Variants in BCKDHA observed in about 807,000 individuals in gnomAD.
BCKDHA encodes 2-oxoisovalerate dehydrogenase subunit alpha, mitochondrial.
In BCKDHA, 43 loss-of-function variants were observed where a neutral mutation model predicts 52.2. That is an observed-to-expected ratio of 0.82 (90% CI 0.64 to 1.06). The LOEUF (loss-of-function observed/expected upper bound fraction) is 1.06. Ranked by LOEUF, BCKDHA falls within the 50% of genes least tolerant of loss-of-function variation. The pLI, the probability that BCKDHA is intolerant of heterozygous loss-of-function variation, is 0.00. For missense variants in BCKDHA, 527 were observed against 621.3 expected (o/e 0.85, Z 1.61); for synonymous variants, 234 against 247.9 (o/e 0.94, Z 0.53).
At chr19:41,413,728 G>T (rs527430351) in intron 3 of BCKDHA, among the ~76,000 whole-genome samples, 8 of 152,040 alleles carry the variant, frequency 5.3e-5, no homozygotes, top group African/African-American at 1.7e-4. Context: ...CAGCCCTTCT[G>T]GCCTCATGGT....
At position 41,424,511 on chromosome 19, in the gene BCKDHA, A is replaced by C. The variant is rs781239889; in HGVS notation, c.1241A>C (p.Gln414Pro). Residue 414 changes from glutamine to proline, a missense_variant, in exon 9 of 9, where the codon CAG becomes CCG. Physicochemically the swap from Gln to Pro is moderately conservative, Grantham distance 76. Coordinates refer to ENST00000269980, the MANE Select transcript of BCKDHA (RefSeq NM_000709.4). ...AACCTACTCTTCTCAGACGTGTATC[A>C]GGAGATGCCCGCCCAGCTCCGCAAG... Reference protein sequence around the residue: ...NPNLLFSDVYQEMPAQLRKQQ... With the variant: ...NPNLLFSDVYPEMPAQLRKQQ... 2 of 1,614,136 alleles carry C rather than the reference A, an allele frequency of 1.2e-6. No individual in the cohort carries two copies. Among genetic ancestry groups the C allele is most frequent in the Non-Finnish European group, 1.7e-6 (2 of 1,180,026 alleles).
At chr19:41,418,998 A>T in intron 4 of BCKDHA, 137 bp from the exon 5 acceptor site, 1 of 1,014,508 alleles carries the variant, frequency 9.9e-7, no homozygotes, top group Non-Finnish European at 1.5e-6. Context: ...AGAGTCAGTC[A>T]GTCTGAACAT....
intron 4 of BCKDHA, 29 bp downstream of exon 4, chr19:41,414,186 G>A (rs2039285917): frequency 1.9e-6 from 3 of 1,597,016 alleles, no homozygotes; most frequent in Non-Finnish European, 2.6e-6. Context: ...TGGCCCTGTG[G>A]TCCCCATTGA....
intron 4 of BCKDHA, among the ~76,000 whole-genome samples, chr19:41,415,845 C>T (rs1273854410): frequency 6.9e-6 from 1 of 145,700 alleles, no homozygotes; most frequent in Admixed American, 6.9e-5. Flanking sequence ...AGGCGGGTTT[C>T]ACCATGTTAG....
chr19:41,407,947 G>A (rs1417647574), intron 1 of BCKDHA, among the ~76,000 whole-genome samples: 1 of 122,234 alleles, frequency 8.2e-6, no homozygotes, highest in Non-Finnish European at 1.6e-5. Flanking sequence ...CAGTTCTGAT[G>A]TAATTTTTTT....
intron 4 of BCKDHA, among the ~76,000 whole-genome samples, chr19:41,415,870 A>G (rs1160754765): frequency 6.9e-6 from 1 of 143,994 alleles, no homozygotes; most frequent in Non-Finnish European, 1.5e-5. Context: ...GATGGTCTTG[A>G]TCTCCTGACC....
intron 4 of BCKDHA, 142 bp downstream of exon 4, chr19:41,414,299 C>G (rs2039286934): frequency 2.3e-6 from 2 of 880,914 alleles, no homozygotes; most frequent in Admixed American, 2.0e-5. Flanking sequence ...AAGAGACAAG[C>G]CAGGGTTAGG....
chr19:41,406,524 C>T (rs2039194875), intron 1 of BCKDHA, among the ~76,000 whole-genome samples: 1 of 151,508 alleles, frequency 6.6e-6, no homozygotes, highest in Non-Finnish European at 1.5e-5. Context: ...CAGCCTCCCG[C>T]AACTCCAGTA....
intron 1 of BCKDHA, among the ~76,000 whole-genome samples, chr19:41,401,383 T>C (rs2039137244): frequency 2.0e-5 from 3 of 152,108 alleles, no homozygotes; most frequent in Non-Finnish European, 4.4e-5. Context: ...GCTAAGATGA[T>C]GCAGTTTTAT....
chr19:41,407,205 C>T, intron 1 of BCKDHA, among the ~76,000 whole-genome samples: 1 of 152,176 alleles, frequency 6.6e-6, no homozygotes. Context: ...TGCTGAACCC[C>T]TGGTGTGAGT....
intron 1 of BCKDHA, among the ~76,000 whole-genome samples, chr19:41,403,111 A>C (rs374856537): frequency 8.2e-4 from 125 of 152,294 alleles, no homozygotes; most frequent in African/African-American, 2.8e-3. Context: ...CCCAAACACC[A>C]GGTCTCTGTC....
intron 1 of BCKDHA, among the ~76,000 whole-genome samples, chr19:41,404,483 G>T (rs1599949309): frequency 6.6e-6 from 1 of 151,740 alleles, no homozygotes. Flanking sequence ...TAGAGATAGG[G>T]TTTCACCTTA....
chr19:41,419,125 C>G lies in BCKDHA; in HGVS notation c.485-10C>G, dbSNP rs760838451. 1 of 1,613,986 alleles carries G rather than the reference C, an allele frequency of 6.2e-7. No individual in the cohort carries two copies. The stretch of plus-strand genomic sequence containing the variant: ...CCCACTCGGCTAACCATTGCCTCCT[C>G]CCCTCCTAGGTGTGCTGATGTATCG... On this transcript the variant is annotated splice_polypyrimidine_tract_variant and intron_variant, in intron 4 of 8. Coordinates refer to ENST00000269980, the MANE Select transcript of BCKDHA (RefSeq NM_000709.4).
In BCKDHA at chr19:41,424,814, A is replaced by G. The variant is rs1220226738; in HGVS notation, c.*206A>G. 9 of 571,792 alleles carry G rather than the reference A, an allele frequency of 1.6e-5. No individual in the cohort carries two copies. Among genetic ancestry groups the G allele is most frequent in the Non-Finnish European group, 2.7e-5 (9 of 332,594 alleles). The allele number at this position is 571,792 out of a possible 1,614,324, so 35.4% of individuals were successfully genotyped here. ...GGGACAGCATCTGCAGCAGTTGCTG[A>G]GGCTCCGTCAGCCCCCTCTTCACCT... On this transcript the variant is annotated 3_prime_UTR_variant, in exon 9 of 9. Coordinates refer to ENST00000269980, the MANE Select transcript of BCKDHA (RefSeq NM_000709.4).
intron 4 of BCKDHA, chr19:41,418,895 C>T (rs1568506446): frequency 1.9e-6 from 1 of 531,264 alleles, no homozygotes; most frequent in East Asian, 3.4e-5. Flanking sequence ...TAGTTGAAAG[C>T]ACTTAAATAC....
intron 1 of BCKDHA, among the ~76,000 whole-genome samples, chr19:41,398,314 G>A (rs1486490831): frequency 6.6e-6 from 1 of 152,074 alleles, no homozygotes; most frequent in Non-Finnish European, 1.5e-5. Flanking sequence ...TGTAAGGGAG[G>A]GACTTTCTTC....
chr19:41,401,530 C>T (rs2039139146), intron 1 of BCKDHA, among the ~76,000 whole-genome samples: 1 of 152,098 alleles, frequency 6.6e-6, no homozygotes, highest in South Asian at 2.1e-4. Context: ...GACTTCTTGC[C>T]CCTGCTCTGC....
At chr19:41,412,692 T>C (rs2039269534) in intron 3 of BCKDHA, among the ~76,000 whole-genome samples, 1 of 150,642 alleles carries the variant, frequency 6.6e-6, no homozygotes, top group Non-Finnish European at 1.5e-5. Context: ...CTACTTCTTT[T>C]CTTTTATGTT....
chr19:41,424,389 T>A, intron 8 of BCKDHA, 49 bp from the exon 9 acceptor site: 1 of 1,609,846 alleles, frequency 6.2e-7, no homozygotes, highest in African/African-American at 1.3e-5. Flanking sequence ...GGAAGCAGGG[T>A]CCTGCATGGG....
Sources: gnomAD v4.1 joint callset for allele counts (sites outside exome capture counted in the v4.1 genomes callset) on GRCh38, gnomAD v4.1.1 for gene constraint, MANE v1.5 for transcripts, NCBI Gene and HGNC (gene_info 2026-07-23, HGNC 2026-07-21) for gene names.